Variants in GRID2 observed in about 807,000 individuals in gnomAD.
GRID2 encodes the protein glutamate ionotropic receptor delta type subunit 2, also known as glutamate receptor ionotropic, delta-2.
Under a neutral mutation model 114.8 loss-of-function variants are expected in GRID2, and 33 were observed. The observed-to-expected ratio is 0.29, with a 90% CI of 0.22 to 0.38. The LOEUF (loss-of-function observed/expected upper bound fraction) is 0.38, where lower values mean the gene tolerates loss of function less well. Among genes scored for constraint, GRID2 ranks in the 10% least tolerant of loss-of-function variants. The probability of loss-of-function intolerance (pLI) is 1.00; values close to 1 mark genes in which losing one functional copy is unlikely to be tolerated. For missense variants in GRID2, 1,184 were observed against 1,257.7 expected, an observed-to-expected ratio of 0.94 and a Z score of 0.89; for synonymous variants, 505 against 449.9, an observed-to-expected ratio of 1.12 and a Z score of -1.55.
At chr4:92,413,140 A>G (rs1433895538) in intron 1 of GRID2, among the ~76,000 whole-genome samples, 1 of 152,174 alleles carries the variant, frequency 6.6e-6, no homozygotes, top group African/African-American at 2.4e-5. Flanking sequence ...CAGTGTAACC[A>G]TCACCCAAAT....
chr4:93,450,641 A>G (rs1324338580), intron 10 of GRID2, among the ~76,000 whole-genome samples: 2 of 151,800 alleles, frequency 1.3e-5, no homozygotes, highest in Non-Finnish European at 3.0e-5. Flanking sequence ...ATCCATCCAT[A>G]TCCTTTTCAT....
chr4:92,917,509 C>A (rs186745138), intron 2 of GRID2, among the ~76,000 whole-genome samples: 2 of 152,272 alleles, frequency 1.3e-5, no homozygotes, highest in Admixed American at 1.3e-4. Flanking sequence ...ACGTTTAAGT[C>A]TTTAATCGAT....
At chr4:92,508,859 T>C (rs777070062) in intron 1 of GRID2, among the ~76,000 whole-genome samples, 10 of 151,830 alleles carry the variant, frequency 6.6e-5, no homozygotes, top group Non-Finnish European at 1.5e-4. Flanking sequence ...AAATCCCCAG[T>C]TGAAATAACT....
At chr4:93,654,005 A>G (rs1428534546) in intron 14 of GRID2, among the ~76,000 whole-genome samples, 1 of 152,098 alleles carries the variant, frequency 6.6e-6, no homozygotes, top group Non-Finnish European at 1.5e-5. Context: ...TTTCAACAAT[A>G]AAGATAGATT....
intron 2 of GRID2, among the ~76,000 whole-genome samples, chr4:92,948,776 T>A (rs1298998094): frequency 6.6e-6 from 1 of 152,042 alleles, no homozygotes; most frequent in African/African-American, 2.4e-5. Context: ...GTATAATGAA[T>A]TAGTACAATC....
At chr4:92,638,085 T>G (rs1731159261) in intron 2 of GRID2, among the ~76,000 whole-genome samples, 1 of 152,028 alleles carries the variant, frequency 6.6e-6, no homozygotes, top group South Asian at 2.1e-4. Flanking sequence ...ACATCATGTT[T>G]TATTGTAATG....
At chr4:93,555,949 T>C (rs2149552514) in intron 13 of GRID2, among the ~76,000 whole-genome samples, 1 of 152,194 alleles carries the variant, frequency 6.6e-6, no homozygotes. Context: ...CCTCCACTGG[T>C]GATACCCAGG....
At chr4:92,504,707 T>G (rs1723865492) in intron 1 of GRID2, among the ~76,000 whole-genome samples, 1 of 151,992 alleles carries the variant, frequency 6.6e-6, no homozygotes, top group African/African-American at 2.4e-5. Flanking sequence ...TTGATAAAAC[T>G]CTTATAAAAA....
In GRID2 at chr4:92,743,758, T is replaced by C. The variant is rs538642670; in HGVS notation, c.244+153472T>C. Among the ~76,000 whole-genome samples, 5 of 152,316 alleles carry C rather than the reference T, an allele frequency of 3.3e-5. No individual in the cohort carries two copies. In the East Asian group the frequency reaches 9.7e-4, roughly 29 times the overall value. On this transcript the variant is annotated intron_variant, in intron 2 of 15. Coordinates refer to ENST00000282020, the MANE Select transcript of GRID2 (RefSeq NM_001510.4). The stretch of plus-strand genomic sequence containing the variant: ...TTGATAATTATATCTGTTTGATGAT[T>C]CAGGGGCTACTTGTATCTCATCTGC...
chr4:93,809,827 A>T (rs757327823), exon 2 of GRID2: 1 of 152,178 alleles, frequency 6.6e-6, no homozygotes, highest in African/African-American at 2.4e-5. Flanking sequence ...CCTAAAAAAC[A>T]TTAGCAATTA....
chr4:93,263,812 T>C (rs1408609384), intron 8 of GRID2, among the ~76,000 whole-genome samples: 1 of 152,096 alleles, frequency 6.6e-6, no homozygotes, highest in East Asian at 1.9e-4. Context: ...GCCAAAAGTT[T>C]TATCCTTCGA....
chr4:93,360,659 T>C (rs1234499940), intron 8 of GRID2, among the ~76,000 whole-genome samples: 12 of 151,946 alleles, frequency 7.9e-5, no homozygotes, highest in Admixed American at 7.9e-4. Context: ...TATTTACATG[T>C]GTTTTGTTGC....
intron 2 of GRID2, among the ~76,000 whole-genome samples, chr4:92,876,368 G>A (rs1176398645): frequency 2.0e-5 from 3 of 151,174 alleles, no homozygotes; most frequent in East Asian, 1.9e-4. Flanking sequence ...GCACCATCTC[G>A]GCTCACTGCA....
chr4:93,228,471 G>C (rs907024458), intron 7 of GRID2, among the ~76,000 whole-genome samples: 7 of 152,166 alleles, frequency 4.6e-5, no homozygotes, highest in African/African-American at 1.7e-4. Flanking sequence ...TTCAAGATGA[G>C]TTTTGGTGGG....
intron 2 of GRID2, among the ~76,000 whole-genome samples, chr4:93,073,166 G>A (rs1004271065): frequency 5.9e-5 from 9 of 152,246 alleles, no homozygotes; most frequent in East Asian, 3.9e-4. Context: ...TAAAAAGTGC[G>A]ACTAGTGATG....
At position 92,590,201 on chromosome 4, in the gene GRID2, G is replaced by C; in HGVS notation, c.159G>C (p.Gln53His). 1 of 1,611,684 alleles carries C rather than the reference G, an allele frequency of 6.2e-7. No individual in the cohort carries two copies. The highest frequency in any genetic ancestry group is 1.1e-5 in the South Asian group (1 of 91,026). Residue 53 changes from glutamine to histidine, a missense_variant, in exon 2 of 16, where the codon CAG becomes CAC. By Grantham distance (24) the Gln-to-His change is conservative. Transcript: ENST00000282020. ...GCACTGCGGTTGGTGACCTTAACCA[G>C]AATGAGGAGATCTTACAGACTGAGA... ...VFRTAVGDLN[Q>H]NEEILQTEKI...
At chr4:92,506,517 T>G (rs1024907175) in intron 1 of GRID2, among the ~76,000 whole-genome samples, 27 of 151,972 alleles carry the variant, frequency 1.8e-4, no homozygotes, top group African/African-American at 6.3e-4. Flanking sequence ...TGATGGCCAG[T>G]TGATTATATT....
intron 6 of GRID2, among the ~76,000 whole-genome samples, chr4:93,223,871 C>G (rs979872624): frequency 2.6e-5 from 4 of 151,936 alleles, no homozygotes; most frequent in Admixed American, 2.0e-4. Flanking sequence ...TACAGTAAAA[C>G]CTTAGCAAAA....
intron 13 of GRID2, among the ~76,000 whole-genome samples, chr4:93,536,175 T>C (rs1732050842): frequency 6.6e-6 from 1 of 151,930 alleles, no homozygotes; most frequent in Non-Finnish European, 1.5e-5. Flanking sequence ...ATGATTCCAA[T>C]GACTATTTTA....
Sources: gnomAD v4.1 joint callset for allele counts (sites outside exome capture counted in the v4.1 genomes callset) on GRCh38, gnomAD v4.1.1 for gene constraint, MANE v1.5 for transcripts, NCBI Gene and HGNC (gene_info 2026-07-23, HGNC 2026-07-21) for gene names.